FYB1: variants seen among roughly 807,000 people sequenced by gnomAD.
The protein encoded by FYB1 is FYN-binding protein 1.
A neutral mutation model predicts 94.1 loss-of-function variants in FYB1; 41 were observed. The ratio of observed to expected loss-of-function variants is 0.44; its 90% CI spans 0.34 to 0.57. FYB1 has a LOEUF of 0.57. Ranked by LOEUF, FYB1 falls within the 20% of genes least tolerant of loss-of-function variation. FYB1 has a pLI of 0.02. For synonymous variants in FYB1, 367 were observed against 353.2 expected (o/e 1.04, Z -0.44); for missense variants, 1,050 against 976.8 (o/e 1.07, Z -1.00).
At chr5:39,125,645 T>A (rs1257857126) in intron 12 of FYB1, among the ~76,000 whole-genome samples, 1 of 152,164 alleles carries the variant, frequency 6.6e-6, no homozygotes, top group African/African-American at 2.4e-5. Flanking sequence ...TAATGCTATA[T>A]TTTAAAAGGT....
At chr5:39,196,337 T>C (rs1203247007) in intron 2 of FYB1, among the ~76,000 whole-genome samples, 1 of 151,304 alleles carries the variant, frequency 6.6e-6, no homozygotes, top group Non-Finnish European at 1.5e-5. Flanking sequence ...GCCTCCTGAG[T>C]AGCTGGGAGG....
intron 14 of FYB1, among the ~76,000 whole-genome samples, chr5:39,121,359 A>G (rs905419735): frequency 1.3e-5 from 2 of 152,042 alleles, no homozygotes; most frequent in African/African-American, 4.8e-5. Context: ...GTGGAACTTG[A>G]TCTTCATATA....
Position 39,141,885 on chromosome 5 carries a change from A to T in FYB1, c.1293-744T>A, listed in dbSNP as rs1015381763. On this transcript the variant is annotated intron_variant, in intron 3 of 18. Coordinates refer to ENST00000512982, the MANE Select transcript of FYB1 (RefSeq NM_001465.6). ...AGATTCTGTCTCAGAAAAAAAAAAAAAAAACTTACATAGTTCCAATCCCTG... is the reference window on the plus strand; with the variant it reads ...AGATTCTGTCTCAGAAAAAAAAAAATAAAACTTACATAGTTCCAATCCCTG... Among the ~76,000 whole-genome samples the T allele has an allele frequency of 6.7e-4, 101 of 151,874 alleles. 1 individual carries two copies. Among genetic ancestry groups the T allele is most frequent in the African/African-American group, 2.4e-3 (99 of 41,400 alleles).
At chr5:39,211,648 A>G (rs1051637976) in intron 1 of FYB1, among the ~76,000 whole-genome samples, 1 of 152,170 alleles carries the variant, frequency 6.6e-6, no homozygotes, top group Admixed American at 6.5e-5. Flanking sequence ...ACACCCCAAC[A>G]AAAACTTTAT....
At chr5:39,152,721 G>A (rs1192698597) in intron 3 of FYB1, among the ~76,000 whole-genome samples, 1 of 152,146 alleles carries the variant, frequency 6.6e-6, no homozygotes, top group Non-Finnish European at 1.5e-5. Flanking sequence ...CTACAGTGCT[G>A]ACATTTCTGA....
At chr5:39,185,806 G>T (rs1057512613) in intron 2 of FYB1, among the ~76,000 whole-genome samples, 1 of 152,030 alleles carries the variant, frequency 6.6e-6, no homozygotes, top group African/African-American at 2.4e-5. Context: ...GAGCCACTCC[G>T]TGAGGGTTCC....
chr5:39,130,688 T>C, intron 9 of FYB1, 76 bp from the exon 10 acceptor site: 1 of 1,127,932 alleles, frequency 8.9e-7, no homozygotes, highest in South Asian at 1.4e-5. Flanking sequence ...CATATCCTGA[T>C]TAGTTATTCA....
chr5:39,227,684 A>G (rs77546197), intron 1 of FYB1, among the ~76,000 whole-genome samples: 3,337 of 152,312 alleles, frequency 0.022, 57 homozygotes, highest in Non-Finnish European at 0.035. Context: ...AATTTGCTGG[A>G]GCTCTGAAAA....
At chr5:39,125,634 G>A (rs1740587825) in intron 12 of FYB1, among the ~76,000 whole-genome samples, 2 of 152,128 alleles carry the variant, frequency 1.3e-5, no homozygotes, top group East Asian at 1.9e-4. Context: ...GTTTTCAGAT[G>A]TAATGCTATA....
At chr5:39,257,295 GA>G (rs1392100522) in intron 1 of FYB1, among the ~76,000 whole-genome samples, 1 of 151,806 alleles carries the variant, frequency 6.6e-6, no homozygotes, top group Non-Finnish European at 1.5e-5. Flanking sequence ...CAGTTTTTGG[GA>G]AAAAGTAGGA....
chr5:39,254,223 G>C (rs561043894), intron 1 of FYB1, among the ~76,000 whole-genome samples: 2 of 152,312 alleles, frequency 1.3e-5, no homozygotes, highest in African/African-American at 4.8e-5. Flanking sequence ...TAATGGGATT[G>C]CTGAGTTGAA....
At position 39,126,013 on chromosome 5, in the gene FYB1, T is replaced by C; in HGVS notation, c.2030A>G (p.Asn677Ser). ...TGACTCTTACGATGAACCTTCATTA[T>C]TGTCTGAGTCAGAGACTTTAGGTTT... ...REKPKVSDSD[N>S]NEGSSFPAPP... Residue 677 changes from asparagine to serine, a missense_variant, in exon 12 of 19, where the codon AAT (asparagine) becomes AGT (serine). Transcript: ENST00000512982. 6.2e-7 allele frequency: 1 copy of C among 1,613,418 alleles called. No homozygotes were observed. Among genetic ancestry groups the C allele is most frequent in the Non-Finnish European group, 8.5e-7 (1 of 1,179,622 alleles).
chr5:39,194,938 A>G (rs1747698590), intron 2 of FYB1, among the ~76,000 whole-genome samples: 1 of 152,168 alleles, frequency 6.6e-6, no homozygotes, highest in Non-Finnish European at 1.5e-5. Flanking sequence ...GGGCTGGAGT[A>G]AAAAGAAGAG....
intron 1 of FYB1, among the ~76,000 whole-genome samples, chr5:39,229,335 A>T (rs1458131065): frequency 6.6e-6 from 1 of 152,184 alleles, no homozygotes; most frequent in African/African-American, 2.4e-5. Flanking sequence ...TGTTCTATAG[A>T]GTCATTCTCT....
At chr5:39,208,823 T>C (rs1183414052) in intron 1 of FYB1, 2 of 152,196 alleles carry the variant, frequency 1.3e-5, no homozygotes, top group East Asian at 3.8e-4. Context: ...ACAAAAAGAC[T>C]GAGGAGACAG....
intron 1 of FYB1, among the ~76,000 whole-genome samples, chr5:39,237,365 A>G (rs1354839765): frequency 1.3e-5 from 2 of 152,060 alleles, no homozygotes; most frequent in Non-Finnish European, 2.9e-5. Context: ...TTGAAGAAAG[A>G]ATGAATTAAA....
intron 1 of FYB1, among the ~76,000 whole-genome samples, chr5:39,259,176 G>A (rs913047649): frequency 3.3e-5 from 5 of 152,212 alleles, no homozygotes; most frequent in Non-Finnish European, 7.3e-5. Flanking sequence ...AGAGACCAGA[G>A]ATGCTACTAA....
At chr5:39,124,382 T>A in intron 12 of FYB1, 104 bp from the exon 13 acceptor site, 3 of 616,390 alleles carry the variant, frequency 4.9e-6, no homozygotes. Flanking sequence ...AGAGGCATAT[T>A]GGGTTACTTC....
At chr5:39,171,632 A>T (rs1745257290) in intron 2 of FYB1, among the ~76,000 whole-genome samples, 2 of 152,228 alleles carry the variant, frequency 1.3e-5, no homozygotes, top group African/African-American at 4.8e-5. Flanking sequence ...TTCAGAAGTT[A>T]TTGCACTACT....
Sources: gnomAD v4.1 joint callset for allele counts (sites outside exome capture counted in the v4.1 genomes callset) on GRCh38, gnomAD v4.1.1 for gene constraint, MANE v1.5 for transcripts, NCBI Gene and HGNC (gene_info 2026-07-23, HGNC 2026-07-21) for gene names.